The following NEDD9 variants were observed in gnomAD, a reference collection of about 807,000 sequenced individuals.
The protein encoded by NEDD9 is neural precursor cell expressed, developmentally down-regulated 9.
A neutral mutation model predicts 76.6 loss-of-function variants in NEDD9; 26 were observed. The ratio of observed to expected loss-of-function variants is 0.34; its 90% confidence interval spans 0.25 to 0.47. The LOEUF (loss-of-function observed/expected upper bound fraction) is 0.47. Ranked by LOEUF, NEDD9 falls within the 20% of genes least tolerant of loss-of-function variation. NEDD9 has a pLI of 1.00. For missense variants in NEDD9, 937 were observed against 1,058.5 expected (o/e 0.89, Z 1.59); for synonymous variants, 392 against 414.2 (o/e 0.95, Z 0.65).
chr6:11,202,325 GGCT>G (rs111868822), intron 2 of NEDD9, among the ~76,000 whole-genome samples: 30,961 of 151,920 alleles, frequency 0.2, 3,447 homozygotes, highest in African/African-American at 0.26. Context: ...TGTTGGAAAG[GGCT>G]TCTTTCACTT....
intron 1 of NEDD9, chr6:11,214,351 G>C (rs1581961274): frequency 2.8e-6 from 1 of 360,920 alleles, no homozygotes. Context: ...GCATAGGCCA[G>C]CAGCCATATA....
chr6:11,265,985 T>C (rs1266203376), intron 3 of NEDD9, among the ~76,000 whole-genome samples: 2 of 149,854 alleles, frequency 1.3e-5, no homozygotes, highest in African/African-American at 4.9e-5. Context: ...AAAAAAACCA[T>C]GTATGCATGG....
chr6:11,311,449 C>T (rs1761363269), intron 2 of NEDD9, among the ~76,000 whole-genome samples: 1 of 152,160 alleles, frequency 6.6e-6, no homozygotes, highest in Admixed American at 6.5e-5. Flanking sequence ...AGCTGTGAAA[C>T]GATCGATTTC....
chr6:11,206,208 C>T (rs1758612464), intron 2 of NEDD9, among the ~76,000 whole-genome samples: 1 of 152,002 alleles, frequency 6.6e-6, no homozygotes, highest in Non-Finnish European at 1.5e-5. Context: ...CACCTGAGAT[C>T]AGGAGTTTGA....
At chr6:11,298,926 C>T (rs1282286687) in intron 3 of NEDD9, among the ~76,000 whole-genome samples, 2 of 152,286 alleles carry the variant, frequency 1.3e-5, no homozygotes, top group South Asian at 4.1e-4. Context: ...AAGATTGATG[C>T]AGAAGATGGG....
At chr6:11,291,984 C>A (rs1043779196) in intron 3 of NEDD9, among the ~76,000 whole-genome samples, 1 of 152,102 alleles carries the variant, frequency 6.6e-6, no homozygotes, top group Non-Finnish European at 1.5e-5. Context: ...TTTTGCTGTG[C>A]TGCTTCCAGA....
chr6:11,237,165 G>T (rs761484331), upstream of NEDD9, among the ~76,000 whole-genome samples: 1 of 152,046 alleles, frequency 6.6e-6, no homozygotes, highest in Admixed American at 6.5e-5. This position sits in a 1 kb window ranked among gnomAD's most constrained non-coding sequence, Gnocchi z 4.9. Flanking sequence ...TGCCCCCATT[G>T]TACTGGAACA....
chr6:11,245,954 T>C (rs563759515), intron 3 of NEDD9, among the ~76,000 whole-genome samples: 2 of 152,262 alleles, frequency 1.3e-5, no homozygotes, highest in East Asian at 1.9e-4. Context: ...TTTTTTTTTT[T>C]CTTTTTAAAT....
At chr6:11,203,900 G>A (rs1168742513) in intron 2 of NEDD9, among the ~76,000 whole-genome samples, 1 of 151,800 alleles carries the variant, frequency 6.6e-6, no homozygotes, top group African/African-American at 2.4e-5. Context: ...GGATCCTAAA[G>A]GAAGAGTAGG....
In NEDD9 at chr6:11,188,224, A is replaced by G; in HGVS notation, c.1989T>C (p.His663=). 6.2e-7 allele frequency: 1 copy of G among 1,613,926 alleles called. No homozygotes were observed. The highest frequency in any genetic ancestry group is 8.5e-7 in the Non-Finnish European group (1 of 1,179,850). The change falls in exon 6 of 7, where the codon CAT becomes CAC. Residue 663 remains histidine, a synonymous_variant. Transcript: ENST00000379446. ...IMKQNKMQLE[H]HQLSQFQLLE... ...TTGCTCTGATTGAACTTACCTGATG[A>G]TGTTCCAGCTGCATCTTGTTCTGTT...
At chr6:11,193,904 G>C (rs2113724558) in intron 2 of NEDD9, among the ~76,000 whole-genome samples, 1 of 150,714 alleles carries the variant, frequency 6.6e-6, no homozygotes, top group African/African-American at 2.4e-5. Context: ...TTGCTCCCCA[G>C]GCTGGAGTAC....
rs537317781 is a variant in NEDD9, at chr6:11,241,164, G to A, written c.13-27437C>T. Among the ~76,000 whole-genome samples the A allele has an allele frequency of 6.6e-6, 1 of 152,286 alleles. No homozygotes were observed. The highest frequency in any genetic ancestry group is 1.9e-4 in the East Asian group (1 of 5,180). The stretch of plus-strand genomic sequence containing the variant: ...GGACTCTCATGGCTGAAATGAGAGT[G>A]GCCGTCTCCTCTTTCCGGAGGCACT... On this transcript the variant is annotated intron_variant, in intron 3 of 3. Coordinates refer to the NEDD9 transcript ENST00000397378. The surrounding 1 kb of genome is among the most constrained non-coding windows in gnomAD (Gnocchi z 4.0).
intron 2 of NEDD9, among the ~76,000 whole-genome samples, chr6:11,317,291 G>T (rs1246113613): frequency 6.6e-6 from 1 of 152,032 alleles, no homozygotes; most frequent in Non-Finnish European, 1.5e-5. Context: ...AAATTAGCTG[G>T]GTATGGGGGT....
chr6:11,268,404 G>T (rs1760239403), intron 3 of NEDD9, among the ~76,000 whole-genome samples: 1 of 151,970 alleles, frequency 6.6e-6, no homozygotes, highest in Non-Finnish European at 1.5e-5. Context: ...GAATAAGACT[G>T]AGTCAAAATT....
chr6:11,300,937 GC>G (rs1761031072), intron 3 of NEDD9, among the ~76,000 whole-genome samples: 1 of 152,154 alleles, frequency 6.6e-6, no homozygotes, highest in South Asian at 2.1e-4. Context: ...GACCATTGAT[GC>G]TATGAAGAAA....
At chr6:11,289,540 C>A (rs1043039874) in intron 3 of NEDD9, among the ~76,000 whole-genome samples, 1 of 152,186 alleles carries the variant, frequency 6.6e-6, no homozygotes, top group Admixed American at 6.5e-5. Flanking sequence ...TCAACCCCCA[C>A]CTCCCGGGTT....
Position 11,185,264 on chromosome 6 carries a change from G to T in NEDD9, c.2403C>A (p.Tyr801Ter). 1.2e-6 allele frequency: 2 copies of T among 1,614,156 alleles called. No individual in the cohort carries two copies. The highest frequency in any genetic ancestry group is 1.7e-6 in the Non-Finnish European group (2 of 1,180,028). The change falls in exon 7 of 7, where the codon TAC (tyrosine) becomes TAA (stop). Residue 801 changes from tyrosine (Y) to a stop codon, truncating the protein, a stop_gained. Coordinates refer to ENST00000379446, the MANE Select transcript of NEDD9 (RefSeq NM_006403.4). LOFTEE classifies it high-confidence loss of function. Reference sequence around the variant, plus strand: ...TTTCCTGCAGGGCCGTGGTGCTGGGGTAATGGAGGGCGGCCATCTTGGTTG... The same window carrying T: ...TTTCCTGCAGGGCCGTGGTGCTGGGTTAATGGAGGGCGGCCATCTTGGTTG... ...VMATKMAALHYPSTTALQEMV... is the reference protein window; with the variant it reads ...VMATKMAALH
chr6:11,309,405 G>C (rs879031766), intron 2 of NEDD9, among the ~76,000 whole-genome samples: 6 of 152,148 alleles, frequency 3.9e-5, no homozygotes, highest in Admixed American at 3.9e-4. Context: ...ATGTGGAATT[G>C]CTGGATGATA....
intron 1 of NEDD9, among the ~76,000 whole-genome samples, chr6:11,360,937 C>T (rs1762670000): frequency 6.6e-6 from 1 of 152,162 alleles, no homozygotes. Context: ...ACTGTCCACC[C>T]AGATTCTAGA....
Sources: gnomAD v4.1 joint callset for allele counts (sites outside exome capture counted in the v4.1 genomes callset) on GRCh38, gnomAD v4.1.1 for gene constraint, Gnocchi (gnomAD v3.1) non-coding constraint, MANE v1.5 for transcripts, NCBI Gene and HGNC (gene_info 2026-07-23, HGNC 2026-07-21) for gene names.